Variants in EPN2 observed in about 807,000 individuals in gnomAD.
EPN2 encodes epsin-2.
In EPN2, 34 loss-of-function variants were observed where a neutral mutation model predicts 61.7. The observed-to-expected ratio is 0.55, with a 90% CI of 0.42 to 0.73. The LOEUF (loss-of-function observed/expected upper bound fraction) is 0.73, where lower values mean the gene tolerates loss of function less well. Ranked by LOEUF, EPN2 falls within the 30% of genes least tolerant of loss-of-function variation. The probability of loss-of-function intolerance (pLI) is 0.00; values close to 1 mark genes in which losing one functional copy is unlikely to be tolerated. For missense variants in EPN2, 714 were observed against 839.2 expected (o/e 0.85, Z 1.84); for synonymous variants, 349 against 353.6 (o/e 0.99, Z 0.15).
Position 19,283,425 on chromosome 17 carries a change from C to A in EPN2, c.306C>A (p.Ala102=), listed in dbSNP as rs371807837. ...AGCAGTGCCGGGAGAACATCTTCGCCATCCAGACCCTGAAGGACTTCCAGT... is the reference window on the plus strand; with the variant it reads ...AGCAGTGCCGGGAGAACATCTTCGCAATCCAGACCCTGAAGGACTTCCAGT... The part of the protein sequence containing the change: ...VAQQCRENIF[A]IQTLKDFQYI... The change falls in exon 3 of 11, where the codon GCC becomes GCA. Residue 102 remains alanine, a synonymous_variant. Transcript: ENST00000314728. The surrounding 1 kb of genome is among the most constrained non-coding windows in gnomAD (Gnocchi z 7.0). 1 of 1,614,096 alleles carries A rather than the reference C, an allele frequency of 6.2e-7. No individual in the cohort carries two copies. Among genetic ancestry groups the A allele is most frequent in the African/African-American group, 1.3e-5 (1 of 74,938 alleles).
At position 19,334,161 on chromosome 17, in the gene EPN2, A is replaced by G. The variant is rs567585625; in HGVS notation, c.1833A>G (p.Pro611=). 8.7e-6 allele frequency: 14 copies of G among 1,600,264 alleles called. No individual in the cohort carries two copies. The African/African-American group carries it at 1.7e-4, about 20-fold the overall frequency. Reference sequence around the variant, plus strand: ...GGGCCACTGGTTCCTCTCTGACACCACTGGGCCCTGCAATGATGAACATGG... The same window carrying G: ...GGGCCACTGGTTCCTCTCTGACACCGCTGGGCCCTGCAATGATGAACATGG... The part of the protein sequence containing the change: ...ALGATGSSLT[P]LGPAMMNMVG... The change falls in exon 11 of 11, where the codon CCA becomes CCG. Residue 611 remains proline, a synonymous_variant. Coordinates refer to ENST00000314728, the MANE Select transcript of EPN2 (RefSeq NM_014964.5). The surrounding 1 kb of genome is among the most constrained non-coding windows in gnomAD (Gnocchi z 4.9).
chr17:19,252,920 C>T (rs546379459), intron 1 of EPN2, among the ~76,000 whole-genome samples: 1 of 152,302 alleles, frequency 6.6e-6, no homozygotes, highest in East Asian at 1.9e-4. Context: ...TGGTCTTGAA[C>T]TCCTGAGTGC....
At chr17:19,331,774 G>A (rs1907163577) in intron 9 of EPN2, 79 bp from the exon 10 acceptor site, 1 of 1,245,232 alleles carries the variant, frequency 8.0e-7, no homozygotes, top group Non-Finnish European at 1.2e-6. Context: ...GTCCCCAGGA[G>A]GCCATGTTTT....
At chr17:19,238,782 T>C (rs982487462) in intron 1 of EPN2, among the ~76,000 whole-genome samples, 1 of 152,150 alleles carries the variant, frequency 6.6e-6, no homozygotes, top group Non-Finnish European at 1.5e-5. Flanking sequence ...CAGGAAAATA[T>C]GAGAAGTAAT....
At chr17:19,282,770 T>G (rs528823708) in intron 2 of EPN2, 180 bp from the exon 3 acceptor site, 1 of 188,246 alleles carries the variant, frequency 5.3e-6, no homozygotes, top group South Asian at 1.6e-4. Flanking sequence ...AGGCTTAAAC[T>G]TGAGTGTAAG....
At chr17:19,247,562 T>TG (rs1202909036) in intron 1 of EPN2, among the ~76,000 whole-genome samples, 3 of 152,108 alleles carry the variant, frequency 2.0e-5, no homozygotes, top group Non-Finnish European at 4.4e-5. Flanking sequence ...TGAGATGGGA[T>TG]GGGGTAGGTG....
intron 1 of EPN2, among the ~76,000 whole-genome samples, chr17:19,248,162 C>T (rs1051622737): frequency 2.0e-5 from 3 of 152,156 alleles, no homozygotes; most frequent in East Asian, 3.8e-4. Context: ...GACTGGGTTC[C>T]TGAGCTATTG....
chr17:19,254,572 A>T (rs1247351411), intron 1 of EPN2, among the ~76,000 whole-genome samples: 1 of 151,936 alleles, frequency 6.6e-6, no homozygotes, highest in Non-Finnish European at 1.5e-5. Flanking sequence ...AAAAACAGAA[A>T]ACTGTACTAT....
intron 4 of EPN2, among the ~76,000 whole-genome samples, chr17:19,291,677 T>C (rs1225524338): frequency 6.6e-6 from 1 of 152,114 alleles, no homozygotes; most frequent in Non-Finnish European, 1.5e-5. Context: ...CCTGACCTCA[T>C]GATCCACCCG....
chr17:19,265,009 G>A (rs1410324284), intron 1 of EPN2, among the ~76,000 whole-genome samples: 2 of 152,138 alleles, frequency 1.3e-5, no homozygotes, highest in African/African-American at 4.8e-5. Flanking sequence ...AGGAGAAGGG[G>A]GCAGGTGTGG....
At chr17:19,297,482 T>G (rs1198245916) in intron 4 of EPN2, 1 of 152,296 alleles carries the variant, frequency 6.6e-6, no homozygotes, top group Non-Finnish European at 1.5e-5. Context: ...CTCATGTGTG[T>G]GAGGGCCAGC....
intron 7 of EPN2, among the ~76,000 whole-genome samples, chr17:19,314,503 A>G (rs1016419390): frequency 1.3e-5 from 2 of 152,038 alleles, no homozygotes; most frequent in Non-Finnish European, 2.9e-5. Flanking sequence ...AGCAGGGGAG[A>G]AGGGCCCAGA....
intron 1 of EPN2, among the ~76,000 whole-genome samples, chr17:19,272,474 G>T (rs1188155991): frequency 6.6e-6 from 1 of 152,114 alleles, no homozygotes; most frequent in African/African-American, 2.4e-5. Context: ...AGATGGCAGG[G>T]AATTGAATCA....
At chr17:19,290,312 A>G (rs1396841872) in intron 4 of EPN2, among the ~76,000 whole-genome samples, 1 of 152,018 alleles carries the variant, frequency 6.6e-6, no homozygotes, top group East Asian at 1.9e-4. Flanking sequence ...GGCTCTTTCC[A>G]CCATTTCCTG....
intron 4 of EPN2, among the ~76,000 whole-genome samples, chr17:19,290,724 A>AAAG (rs2045456154): frequency 6.7e-6 from 1 of 149,126 alleles, no homozygotes; most frequent in African/African-American, 2.5e-5. Flanking sequence ...AAGAAAAAAA[A>AAAG]AGAAAAAGGA....
intron 1 of EPN2, chr17:19,274,089 A>C (rs969919101): frequency 2.6e-5 from 4 of 152,302 alleles, no homozygotes; most frequent in African/African-American, 7.2e-5. Flanking sequence ...ACTGCACCTC[A>C]GGAAAGATAA....
intron 7 of EPN2, among the ~76,000 whole-genome samples, chr17:19,320,921 C>T (rs1397575355): frequency 1.3e-5 from 2 of 152,176 alleles, no homozygotes; most frequent in African/African-American, 4.8e-5. Context: ...TCTTCAATCC[C>T]TAGTTAGTGA....
chr17:19,257,706 A>G (rs1408469893), intron 1 of EPN2, among the ~76,000 whole-genome samples: 10 of 151,918 alleles, frequency 6.6e-5, no homozygotes, highest in African/African-American at 1.7e-4. Context: ...TTTAGTAGAG[A>G]CAGGTTTTTG....
intron 7 of EPN2, among the ~76,000 whole-genome samples, chr17:19,316,383 A>ATCAGAGTCAC (rs1399623493): frequency 1.3e-5 from 2 of 152,234 alleles, no homozygotes; most frequent in Admixed American, 1.3e-4. Context: ...TGCACTTGGC[A>ATCAGAGTCAC]TTATTACCAG....
Sources: allele counts gnomAD v4.1 joint callset (sites outside exome capture counted in the v4.1 genomes callset), GRCh38; gene constraint gnomAD v4.1.1; non-coding constraint Gnocchi (gnomAD v3.1); transcripts MANE v1.5; gene names NCBI Gene and HGNC (gene_info 2026-07-23, HGNC 2026-07-21).